CACNB2: variants seen among roughly 807,000 people sequenced by gnomAD.
CACNB2 encodes calcium voltage-gated channel auxiliary subunit beta 2, also known as voltage-dependent L-type calcium channel subunit beta-2.
CACNB2 carries 42 observed loss-of-function variants against 73.3 expected under a neutral mutation model. The observed-to-expected ratio is 0.57, with a 90% confidence interval of 0.45 to 0.74. The LOEUF (loss-of-function observed/expected upper bound fraction) is 0.74, where lower values mean the gene tolerates loss of function less well. CACNB2 is among the 30% of genes least tolerant of loss of function. The pLI, the probability that CACNB2 is intolerant of heterozygous loss-of-function variation, is 0.00. For missense variants in CACNB2, 940 were observed against 853.0 expected, an observed-to-expected ratio of 1.10 and a Z score of -1.27; for synonymous variants, 348 against 310.3, an observed-to-expected ratio of 1.12 and a Z score of -1.28.
intron 2 of CACNB2, among the ~76,000 whole-genome samples, chr10:18,334,020 T>A (rs1270917531): frequency 6.6e-6 from 1 of 152,224 alleles, no homozygotes; most frequent in Non-Finnish European, 1.5e-5. Context: ...TTCTCCTCTC[T>A]GCTTTCTGTT....
chr10:18,435,747 G>A (rs539118826), intron 3 of CACNB2, among the ~76,000 whole-genome samples: 11 of 152,038 alleles, frequency 7.2e-5, no homozygotes, highest in Middle Eastern at 3.2e-3. Context: ...GGATCCATCC[G>A]CCTTGGCCTC....
chr10:18,156,466 C>T lies in CACNB2; in HGVS notation c.213+5491C>T, dbSNP rs527890923. Among the ~76,000 whole-genome samples the T allele has an allele frequency of 3.9e-5, 6 of 152,298 alleles. No homozygotes were observed. The East Asian group carries it at 7.7e-4, about 20-fold the overall frequency. On this transcript the variant is annotated intron_variant, in intron 2 of 13. Coordinates refer to ENST00000324631, the MANE Select transcript of CACNB2 (RefSeq NM_201596.3). ...CCCATGAAGTTAGTTAATTTTCCCC[C>T]GGAAACTGGATTCATGTTAGCCTTT...
chr10:18,418,422 C>A (rs575909319), intron 3 of CACNB2, among the ~76,000 whole-genome samples: 124 of 152,290 alleles, frequency 8.1e-4, no homozygotes, highest in Admixed American at 3.1e-3. Context: ...TTGATATTTG[C>A]AGGATTAACA....
rs1181368238 is a variant in CACNB2, at chr10:18,437,057, G to A, written c.333+35014G>A. On this transcript the variant is annotated intron_variant, in intron 3 of 13. Transcript: ENST00000324631. ...TTTATATAAGTCACCTGATACATTTGACTTAAATGTTTAAATAGAGATTTA... is the reference window on the plus strand; with the variant it reads ...TTTATATAAGTCACCTGATACATTTAACTTAAATGTTTAAATAGAGATTTA... Among the ~76,000 whole-genome samples, 5 of 152,240 alleles carry A rather than the reference G, an allele frequency of 3.3e-5. No individual in the cohort carries two copies. In the East Asian group the frequency reaches 5.8e-4, roughly 18 times the overall value.
chr10:18,269,201 A>C (rs2482106), intron 2 of CACNB2, among the ~76,000 whole-genome samples: 31,337 of 152,196 alleles, frequency 0.21, 3,540 homozygotes, highest in South Asian at 0.31. Flanking sequence ...AGGTGAATTT[A>C]CATCATCTTA....
At chr10:18,519,753 C>A (rs1431511574) in intron 9 of CACNB2, 1 of 455,930 alleles carries the variant, frequency 2.2e-6, no homozygotes, top group South Asian at 1.5e-5. Context: ...ACTGGCTTTC[C>A]TTCCACTTTC....
chr10:18,256,261 A>G (rs2037283159), intron 2 of CACNB2, among the ~76,000 whole-genome samples: 1 of 146,632 alleles, frequency 6.8e-6, no homozygotes, highest in Non-Finnish European at 1.5e-5. Flanking sequence ...GTTTTTGTTG[A>G]CTTTATTTGA....
chr10:18,260,099 A>G (rs1428428202), intron 2 of CACNB2, among the ~76,000 whole-genome samples: 1 of 152,176 alleles, frequency 6.6e-6, no homozygotes, highest in African/African-American at 2.4e-5. Flanking sequence ...GACACACTAA[A>G]GATATTGCGT....
At chr10:18,530,965 G>A (rs995487786) in intron 10 of CACNB2, among the ~76,000 whole-genome samples, 1 of 152,168 alleles carries the variant, frequency 6.6e-6, no homozygotes, top group African/African-American at 2.4e-5. Flanking sequence ...TACTGAGCCT[G>A]GGGAGAAAGG....
At chr10:18,464,863 C>A (rs1036365180) in intron 3 of CACNB2, among the ~76,000 whole-genome samples, 5 of 152,216 alleles carry the variant, frequency 3.3e-5, no homozygotes, top group African/African-American at 1.2e-4. Context: ...CATGCAGATT[C>A]TAGTGAACCA....
At chr10:18,469,702 T>A (rs1220607623) in intron 3 of CACNB2, among the ~76,000 whole-genome samples, 1 of 152,216 alleles carries the variant, frequency 6.6e-6, no homozygotes, top group Non-Finnish European at 1.5e-5. Context: ...GATGGAGAGT[T>A]ACTGATAATA....
chr10:18,363,268 T>G (rs1403948267), intron 2 of CACNB2, among the ~76,000 whole-genome samples: 1 of 152,208 alleles, frequency 6.6e-6, no homozygotes, highest in Admixed American at 6.5e-5. Flanking sequence ...CGTTCCAGGC[T>G]CTCAACAGGA....
At chr10:18,434,234 A>C (rs2046025257) in intron 3 of CACNB2, among the ~76,000 whole-genome samples, 1 of 152,206 alleles carries the variant, frequency 6.6e-6, no homozygotes, top group Admixed American at 6.5e-5. Context: ...TATAGAGTTC[A>C]TATATAAATC....
intron 2 of CACNB2, among the ~76,000 whole-genome samples, chr10:18,254,469 C>T (rs772760938): frequency 2.6e-5 from 4 of 151,608 alleles, no homozygotes; most frequent in South Asian, 2.1e-4. Context: ...CTGCTATCTG[C>T]GTCTAGGTGG....
At chr10:18,342,796 T>A (rs1209814292) in intron 2 of CACNB2, among the ~76,000 whole-genome samples, 1 of 152,158 alleles carries the variant, frequency 6.6e-6, no homozygotes, top group East Asian at 1.9e-4. Context: ...TGGACAAGAA[T>A]ATAAATGGAG....
intron 2 of CACNB2, among the ~76,000 whole-genome samples, chr10:18,340,201 C>G (rs1383025079): frequency 6.6e-6 from 1 of 152,116 alleles, no homozygotes; most frequent in African/African-American, 2.4e-5. Flanking sequence ...TGCAAGCATG[C>G]TCTCAGAATA....
chr10:18,400,622 G>T, intron 2 of CACNB2: 1 of 1,055,098 alleles, frequency 9.5e-7, no homozygotes. Context: ...AAATGTCACT[G>T]CATACGTTTT....
rs193131690 is a variant in CACNB2, at chr10:18,231,422, A to G, written c.213+80447A>G. Among the ~76,000 whole-genome samples, 378 of 152,002 alleles carry G rather than the reference A, an allele frequency of 2.5e-3. 2 individuals carry two copies. Among genetic ancestry groups the G allele is most frequent in the African/African-American group, 8.9e-3 (369 of 41,472 alleles). On this transcript the variant is annotated intron_variant, in intron 2 of 13. Coordinates refer to ENST00000324631, the MANE Select transcript of CACNB2 (RefSeq NM_201596.3). Reference sequence around the variant, plus strand: ...TCAAACTCTTGACCTCAGGTGATCCACCTGCCTCGGCCTCCCAAAGTGCTG... The same window carrying G: ...TCAAACTCTTGACCTCAGGTGATCCGCCTGCCTCGGCCTCCCAAAGTGCTG...
chr10:18,428,058 A>T (rs1451828130), intron 3 of CACNB2, among the ~76,000 whole-genome samples: 1 of 151,974 alleles, frequency 6.6e-6, no homozygotes, highest in Non-Finnish European at 1.5e-5. Context: ...ATTATTGTTC[A>T]GTTCTAAGTA....
Sources: allele counts gnomAD v4.1 joint callset (sites outside exome capture counted in the v4.1 genomes callset), GRCh38; gene constraint gnomAD v4.1.1; transcripts MANE v1.5; gene names NCBI Gene and HGNC (gene_info 2026-07-23, HGNC 2026-07-21).